TMEM131: variants seen among roughly 807,000 people sequenced by gnomAD.
TMEM131 encodes the protein transmembrane protein 131.
A neutral mutation model predicts 211.6 loss-of-function variants in TMEM131; 66 were observed. The observed-to-expected ratio is 0.31, with a 90% CI of 0.26 to 0.38. The LOEUF is 0.38. Ranked by LOEUF, TMEM131 falls within the 10% of genes least tolerant of loss-of-function variation. The pLI is 1.00. For missense variants in TMEM131, 2,036 were observed against 2,299.3 expected, an observed-to-expected ratio of 0.89 and a Z score of 2.34; for synonymous variants, 844 against 841.3, an observed-to-expected ratio of 1.00 and a Z score of -0.06.
At position 97,899,619 on chromosome 2, in the gene TMEM131, T is replaced by C. The variant is rs555798436; in HGVS notation, c.290+9039A>G. ...GGATGTGGGAAACAGGCACTTTTTT[T>C]CACCAATGAGGGAATGCAAGGTGGC... On this transcript the variant is annotated intron_variant, in intron 3 of 40. Transcript: ENST00000186436. Among the ~76,000 whole-genome samples the C allele has an allele frequency of 3.6e-3, 542 of 152,244 alleles. 4 individuals carry two copies. Among genetic ancestry groups the C allele is most frequent in the Middle Eastern group, 0.01 (3 of 294 alleles).
intron 12 of TMEM131, among the ~76,000 whole-genome samples, chr2:97,817,207 TAGCTCTTCACCCTTGCAGAGC>T (rs368402018): frequency 0.025 from 3,768 of 151,954 alleles, 52 homozygotes; most frequent in Middle Eastern, 0.068. Context: ...TAGAGAAGAG[TAGCTCTTCACCCTTGCAGAGC>T]AGCTCTTCAC....
chr2:97,970,086 C>G (rs1456756086), intron 1 of TMEM131, among the ~76,000 whole-genome samples: 2 of 152,160 alleles, frequency 1.3e-5, no homozygotes, highest in Non-Finnish European at 2.9e-5. Flanking sequence ...GCCCTAAGTA[C>G]AAAGCATGAG....
intron 2 of TMEM131, among the ~76,000 whole-genome samples, chr2:97,911,014 G>A (rs1442179623): frequency 2.0e-5 from 3 of 152,094 alleles, no homozygotes; most frequent in African/African-American, 7.2e-5. Context: ...GCTCAGTATT[G>A]GAACAGCCCA....
At chr2:97,967,948 A>G (rs1019466133) in intron 1 of TMEM131, among the ~76,000 whole-genome samples, 17 of 151,742 alleles carry the variant, frequency 1.1e-4, no homozygotes, top group African/African-American at 3.4e-4. Flanking sequence ...AAAATCTCAG[A>G]ACTCTGAGAC....
At chr2:97,875,674 A>T (rs1433359412) in intron 4 of TMEM131, among the ~76,000 whole-genome samples, 1 of 152,230 alleles carries the variant, frequency 6.6e-6, no homozygotes, top group East Asian at 1.9e-4. Context: ...ACCAATGAGA[A>T]TGAAGACACA....
chr2:97,776,103 G>C lies in TMEM131; in HGVS notation c.4145-85C>G, dbSNP rs576566689. On this transcript the variant is annotated intron_variant, in intron 31 of 40. Transcript: ENST00000186436. ...GAGTCTTGCTCTGTCACCCAGGCTG[G>C]AGTGCAGTGGCGAGATCTTGGCTCA... 1.0e-4 allele frequency: 142 copies of C among 1,393,812 alleles called. No homozygotes were observed. The Middle Eastern group carries it at 2.6e-3, about 25-fold the overall frequency. 86.3% of individuals were successfully genotyped at this position (1,393,812 alleles called of 1,614,324 possible).
intron 3 of TMEM131, among the ~76,000 whole-genome samples, chr2:97,895,483 G>C (rs1446961838): frequency 6.6e-6 from 1 of 152,148 alleles, no homozygotes; most frequent in Admixed American, 6.5e-5. Context: ...ATTTGGTTGT[G>C]AATCTGTCTG....
chr2:97,851,231 C>T (rs1442120493), intron 5 of TMEM131, among the ~76,000 whole-genome samples: 2 of 151,990 alleles, frequency 1.3e-5, no homozygotes, highest in African/African-American at 2.4e-5. Flanking sequence ...GCCTATTTGC[C>T]ACCTCCTCTT....
chr2:97,770,230 C>A (rs988936795), intron 33 of TMEM131, among the ~76,000 whole-genome samples: 2 of 151,952 alleles, frequency 1.3e-5, no homozygotes, highest in Non-Finnish European at 2.9e-5. Context: ...CAACCTTCTC[C>A]GGTTATTAAA....
chr2:97,795,489 C>T (rs1342044194), intron 28 of TMEM131, among the ~76,000 whole-genome samples: 1 of 152,088 alleles, frequency 6.6e-6, no homozygotes, highest in Non-Finnish European at 1.5e-5. Flanking sequence ...CTGGCTGGGG[C>T]CTAGTGATTT....
At chr2:97,992,967 C>A (rs1680328659) in intron 1 of TMEM131, among the ~76,000 whole-genome samples, 2 of 152,178 alleles carry the variant, frequency 1.3e-5, no homozygotes, top group African/African-American at 4.8e-5. Flanking sequence ...ATAGCACACT[C>A]CCATAGCTCA....
intron 1 of TMEM131, among the ~76,000 whole-genome samples, chr2:97,941,504 C>T (rs1458464624): frequency 6.6e-6 from 1 of 152,162 alleles, no homozygotes; most frequent in Non-Finnish European, 1.5e-5. Context: ...AGCTTCTGCA[C>T]AGCAAAAGAA....
chr2:97,963,501 G>A (rs1170933035), intron 1 of TMEM131, among the ~76,000 whole-genome samples: 9 of 152,140 alleles, frequency 5.9e-5, no homozygotes, highest in Admixed American at 5.9e-4. Flanking sequence ...GATCACTGGA[G>A]GTCAGAAGTT....
intron 25 of TMEM131, among the ~76,000 whole-genome samples, chr2:97,798,335 C>T (rs1387708398): frequency 6.6e-6 from 1 of 152,218 alleles, no homozygotes; most frequent in Admixed American, 6.5e-5. Flanking sequence ...GTTGTCAACG[C>T]TTGGCTATAA....
At chr2:97,853,432 TAAAA>T (rs55752619) in intron 5 of TMEM131, among the ~76,000 whole-genome samples, 2 of 90,412 alleles carry the variant, frequency 2.2e-5, no homozygotes, top group Non-Finnish European at 4.3e-5. Context: ...CCATCTCTAC[TAAAA>T]AAAAAAAAAA....
At chr2:97,871,125 T>C (rs905163558) in intron 4 of TMEM131, among the ~76,000 whole-genome samples, 2 of 152,234 alleles carry the variant, frequency 1.3e-5, no homozygotes, top group African/African-American at 4.8e-5. Context: ...ATCAAGATTT[T>C]CTGAATGTAA....
chr2:97,793,643 A>G, intron 29 of TMEM131, 90 bp from the exon 30 acceptor site: 1 of 1,295,472 alleles, frequency 7.7e-7, no homozygotes, highest in Non-Finnish European at 1.1e-6. Flanking sequence ...TTTCTTGGTA[A>G]AGTACAATAT....
chr2:97,802,527 A>C lies in TMEM131; in HGVS notation c.2552T>G (p.Ile851Ser). 1 of 1,610,814 alleles carries C rather than the reference A, an allele frequency of 6.2e-7. No homozygotes were observed. The highest frequency in any genetic ancestry group is 2.2e-5 in the East Asian group (1 of 44,806). Residue 851 changes from isoleucine to serine, a missense_variant, in exon 24 of 41, where the codon ATT (isoleucine) becomes AGT (serine). Ile to Ser is a moderately radical substitution (Grantham distance 142). Transcript: ENST00000186436. ...TNTNCSSEEEITLENPADVPV... is the reference protein window; with the variant it reads ...TNTNCSSEEESTLENPADVPV... ...AACATCTGCAGGATTTTCTAAAGTA[A>C]TCTCTTCTTCCTTAAACAAAATAAT...
chr2:97,873,550 T>C (rs1674575296), intron 4 of TMEM131, among the ~76,000 whole-genome samples: 1 of 152,210 alleles, frequency 6.6e-6, no homozygotes, highest in African/African-American at 2.4e-5. Context: ...TCCAGAGGAA[T>C]GATCAGGCAG....
Sources: allele counts gnomAD v4.1 joint callset (sites outside exome capture counted in the v4.1 genomes callset), GRCh38; gene constraint gnomAD v4.1.1; transcripts MANE v1.5; gene names NCBI Gene and HGNC (gene_info 2026-07-23, HGNC 2026-07-21).